TUNAR: variants seen among roughly 807,000 people sequenced by gnomAD.
TUNAR encodes the protein transmembrane neural differentiation associated intracellular calcium regulator, also known as protein TUNAR.
intron 2 of TUNAR, among the ~76,000 whole-genome samples, chr14:95,906,763 G>T (rs1889432533): frequency 6.6e-6 from 1 of 152,066 alleles, no homozygotes; most frequent in Admixed American, 6.5e-5. Context: ...GAATTGCTTT[G>T]TGTGGACATA....
chr14:95,887,607 C>A (rs895623639), intron 2 of TUNAR, among the ~76,000 whole-genome samples: 1 of 152,214 alleles, frequency 6.6e-6, no homozygotes, highest in African/African-American at 2.4e-5. Flanking sequence ...TTATTACCCC[C>A]AAACTTAGTA....
intron 2 of TUNAR, among the ~76,000 whole-genome samples, chr14:95,908,977 G>A (rs1889469821): frequency 6.6e-6 from 1 of 152,170 alleles, no homozygotes; most frequent in African/African-American, 2.4e-5. Flanking sequence ...CTGGAGGTCT[G>A]CACCACAGGC....
At chr14:95,916,694 G>A (rs780583440) in intron 2 of TUNAR, among the ~76,000 whole-genome samples, 4 of 152,184 alleles carry the variant, frequency 2.6e-5, no homozygotes, top group African/African-American at 4.8e-5. Context: ...ATAAGATAAT[G>A]CCATCCTGTT....
chr14:95,905,769 GTGA>G (rs1453023989), intron 2 of TUNAR, among the ~76,000 whole-genome samples: 3 of 152,124 alleles, frequency 2.0e-5, no homozygotes, highest in Non-Finnish European at 4.4e-5. Context: ...TATTACTGTG[GTGA>G]TTGCCTACTG....
chr14:95,884,303 C>G (rs142705649), intron 2 of TUNAR, among the ~76,000 whole-genome samples: 1 of 152,292 alleles, frequency 6.6e-6, no homozygotes, highest in East Asian at 1.9e-4. Flanking sequence ...TCCTCTCCCA[C>G]CACCTGCCCC....
intron 2 of TUNAR, among the ~76,000 whole-genome samples, chr14:95,888,781 C>A (rs1047875515): frequency 2.0e-5 from 3 of 151,922 alleles, no homozygotes; most frequent in Admixed American, 2.0e-4. Context: ...AAGCAAGTCT[C>A]TAAGGCCAGC....
intron 2 of TUNAR, among the ~76,000 whole-genome samples, chr14:95,920,347 G>A (rs1391437102): frequency 6.6e-6 from 1 of 152,104 alleles, no homozygotes; most frequent in Non-Finnish European, 1.5e-5. Flanking sequence ...ATATGAAAAT[G>A]TATCAAGCTG....
At chr14:95,893,742 A>G (rs1375780983) in intron 2 of TUNAR, among the ~76,000 whole-genome samples, 1 of 152,234 alleles carries the variant, frequency 6.6e-6, no homozygotes, top group Non-Finnish European at 1.5e-5. Flanking sequence ...AAAAATGCTC[A>G]TGCCCAGGCT....
At chr14:95,881,389 A>G (rs972468531) in intron 2 of TUNAR, among the ~76,000 whole-genome samples, 8 of 152,206 alleles carry the variant, frequency 5.3e-5, no homozygotes, top group African/African-American at 1.9e-4. Flanking sequence ...GGAGGTGAAC[A>G]CAAACTGATG....
At chr14:95,919,727 A>T (rs1889660792) in intron 2 of TUNAR, among the ~76,000 whole-genome samples, 1 of 152,092 alleles carries the variant, frequency 6.6e-6, no homozygotes, top group Admixed American at 6.6e-5. Flanking sequence ...TAATAATAAT[A>T]ATAGTAATAA....
At chr14:95,888,926 G>A (rs1889122204) in intron 2 of TUNAR, among the ~76,000 whole-genome samples, 1 of 152,206 alleles carries the variant, frequency 6.6e-6, no homozygotes, top group Non-Finnish European at 1.5e-5. Context: ...CAAGGCAGCA[G>A]AGTGGGGTGT....
Position 95,910,944 on chromosome 14 carries a change from T to C in TUNAR, c.13-11837T>C, listed in dbSNP as rs190866934. On this transcript the variant is annotated intron_variant, in intron 2 of 2. Transcript: ENST00000678517. ...AGTCCTGGAGAGCCGGTTACCCATT[T>C]TACTTACTGTGGTTTGATTTTAGGA... Among the ~76,000 whole-genome samples the C allele has an allele frequency of 1.2e-4, 18 of 152,392 alleles. No individual in the cohort carries two copies. The East Asian group carries it at 3.3e-3, about 28-fold the overall frequency.
chr14:95,921,813 C>A (rs542718182), intron 2 of TUNAR, among the ~76,000 whole-genome samples: 1 of 152,248 alleles, frequency 6.6e-6, no homozygotes, highest in South Asian at 2.1e-4. Flanking sequence ...CTGTTTCGAG[C>A]CTTTATAAAT....
intron 2 of TUNAR, among the ~76,000 whole-genome samples, chr14:95,910,645 C>T (rs574349655): frequency 2.8e-4 from 42 of 152,356 alleles, no homozygotes; most frequent in Non-Finnish European, 4.9e-4. Flanking sequence ...TTCTTTGGAA[C>T]TCCTGGGAGT....
intron 2 of TUNAR, among the ~76,000 whole-genome samples, chr14:95,909,684 ACT>A (rs1262451397): frequency 3.3e-5 from 5 of 152,068 alleles, no homozygotes; most frequent in African/African-American, 1.2e-4. Context: ...GCATGCACTC[ACT>A]CTCAGTACTG....
rs533314056 is a variant in TUNAR at position 95,881,657 on chromosome 14, G to A, written c.12+4480G>A. 9.8e-5 allele frequency among the ~76,000 whole-genome samples: 15 copies of A among 152,296 alleles called. No individual in the cohort carries two copies. In the East Asian group the frequency reaches 2.7e-3, roughly 27 times the overall value. ...CTCAAGGAACTTTTCACGTTATCGA[G>A]TAGAGATGCCGTCGTAGCTGATGTT... On this transcript the variant is annotated intron_variant, in intron 2 of 2. Coordinates refer to ENST00000678517, the Ensembl canonical transcript of TUNAR.
intron 2 of TUNAR, among the ~76,000 whole-genome samples, chr14:95,914,846 C>T (rs557973840): frequency 6.6e-6 from 1 of 152,344 alleles, no homozygotes; most frequent in South Asian, 2.1e-4. Flanking sequence ...TGATAAACCA[C>T]TGAGACAAAA....
intron 2 of TUNAR, among the ~76,000 whole-genome samples, chr14:95,904,382 G>A (rs1451875381): frequency 1.3e-5 from 2 of 152,134 alleles, no homozygotes; most frequent in Non-Finnish European, 2.9e-5. Flanking sequence ...GAGCACAGTG[G>A]GAGGGAGTGG....
chr14:95,916,101 A>T (rs1889600929), intron 2 of TUNAR, among the ~76,000 whole-genome samples: 1 of 152,154 alleles, frequency 6.6e-6, no homozygotes. Flanking sequence ...TCACCAATTA[A>T]CTTATTAAGT....
Sources: gnomAD v4.1 joint callset for allele counts (sites outside exome capture counted in the v4.1 genomes callset) on GRCh38, gnomAD v4.1.1 for gene constraint, MANE v1.5 for transcripts, NCBI Gene and HGNC (gene_info 2026-07-23, HGNC 2026-07-21) for gene names.